The following GDAP1 variants were observed in gnomAD, a reference collection of about 807,000 sequenced individuals.
GDAP1 encodes ganglioside-induced differentiation-associated protein 1.
A neutral mutation model predicts 40.1 loss-of-function variants in GDAP1; 34 were observed. The ratio of observed to expected loss-of-function variants is 0.85; its 90% CI spans 0.64 to 1.13. GDAP1 has a LOEUF of 1.13. Ranked by LOEUF, GDAP1 falls within the 50% of genes most tolerant of loss-of-function variation. The probability of loss-of-function intolerance (pLI) is 0.00; values close to 1 mark genes in which losing one functional copy is unlikely to be tolerated. For missense variants in GDAP1, 374 were observed against 433.7 expected (o/e 0.86, Z 1.22); for synonymous variants, 170 against 157.4 (o/e 1.08, Z -0.60).
At chr8:74,435,607 G>A (rs950931917) in intron 2 of GDAP1, among the ~76,000 whole-genome samples, 5 of 152,278 alleles carry the variant, frequency 3.3e-5, no homozygotes, top group African/African-American at 1.2e-4. Context: ...AGGATTCTGA[G>A]TTTTTAGAAA....
At chr8:74,393,701 T>C (rs1810146760) in intron 2 of GDAP1, among the ~76,000 whole-genome samples, 1 of 152,182 alleles carries the variant, frequency 6.6e-6, no homozygotes, top group African/African-American at 2.4e-5. Flanking sequence ...CAGCAAAAAG[T>C]AGATCATTGA....
intron 2 of GDAP1, among the ~76,000 whole-genome samples, chr8:74,465,692 C>T (rs1806460425): frequency 6.6e-6 from 1 of 152,168 alleles, no homozygotes; most frequent in Non-Finnish European, 1.5e-5. Flanking sequence ...CAAGATCTGG[C>T]CCTGGCTCCC....
At chr8:74,394,273 T>G (rs1340195094) in intron 2 of GDAP1, among the ~76,000 whole-genome samples, 2 of 152,130 alleles carry the variant, frequency 1.3e-5, no homozygotes, top group Non-Finnish European at 2.9e-5. Flanking sequence ...CCCACCCCCA[T>G]GATTCAATTA....
rs564790261 is a variant in GDAP1, at chr8:74,398,654, T to G, written c.165+47333T>G. ...TTTTCAAAGGGAGTGCTTCCAGTTT[T>G]TGCCCATTCAGTATGATATTGGCTG... On this transcript the variant is annotated intron_variant, in intron 2 of 2. Coordinates refer to the GDAP1 transcript ENST00000523640. 1.2e-4 allele frequency among the ~76,000 whole-genome samples: 19 copies of G among 152,354 alleles called. No homozygotes were observed. In the East Asian group the frequency reaches 3.7e-3, roughly 29 times the overall value.
chr8:74,387,870 G>A (rs988684728), intron 2 of GDAP1, among the ~76,000 whole-genome samples: 12 of 152,092 alleles, frequency 7.9e-5, no homozygotes, highest in African/African-American at 2.7e-4. Flanking sequence ...CCTGTTATTG[G>A]TCTTTTCAGG....
At chr8:74,476,904 C>G (rs1412403288) in intron 2 of GDAP1, among the ~76,000 whole-genome samples, 1 of 149,566 alleles carries the variant, frequency 6.7e-6, no homozygotes, top group Non-Finnish European at 1.5e-5. Context: ...TTCTCCTCAT[C>G]TCTTTCAGGG....
intron 2 of GDAP1, among the ~76,000 whole-genome samples, chr8:74,464,629 C>T (rs1340436448): frequency 6.6e-6 from 1 of 152,254 alleles, no homozygotes. Flanking sequence ...ATTTTGTGCA[C>T]ACTTCCAGAT....
intron 2 of GDAP1, among the ~76,000 whole-genome samples, chr8:74,463,221 G>A (rs548192472): frequency 6.9e-6 from 1 of 145,376 alleles, no homozygotes; most frequent in African/African-American, 2.6e-5. Context: ...GGAGGCCATG[G>A]TAGAAGGATT....
chr8:74,443,436 C>T (rs111556909), intron 2 of GDAP1, among the ~76,000 whole-genome samples: 10 of 152,246 alleles, frequency 6.6e-5, no homozygotes, highest in Admixed American at 2.0e-4. Flanking sequence ...TAAAAGTTGA[C>T]CATTCTATCT....
intron 2 of GDAP1, among the ~76,000 whole-genome samples, chr8:74,359,569 C>G (rs972415478): frequency 1.3e-5 from 2 of 152,186 alleles, no homozygotes; most frequent in Non-Finnish European, 2.9e-5. Context: ...TAGGGTCACT[C>G]TTGATGTTGG....
intron 2 of GDAP1, among the ~76,000 whole-genome samples, chr8:74,487,282 G>T (rs1806787878): frequency 6.6e-6 from 1 of 152,160 alleles, no homozygotes; most frequent in East Asian, 1.9e-4. Context: ...CCTTAAGGAA[G>T]ATGAATGCAA....
At chr8:74,476,944 T>C (rs1806637180) in intron 2 of GDAP1, among the ~76,000 whole-genome samples, 2 of 152,200 alleles carry the variant, frequency 1.3e-5, no homozygotes, top group South Asian at 4.1e-4. Flanking sequence ...TTGGTCTCTT[T>C]ACATAATCCT....
intron 2 of GDAP1, among the ~76,000 whole-genome samples, chr8:74,373,650 A>G (rs1809794591): frequency 6.6e-6 from 1 of 152,150 alleles, no homozygotes; most frequent in Non-Finnish European, 1.5e-5. Context: ...GCTTAAGGAG[A>G]TTTTGGGCTG....
chr8:74,472,617 A>G (rs1440110394), intron 2 of GDAP1, among the ~76,000 whole-genome samples: 2 of 151,608 alleles, frequency 1.3e-5, no homozygotes, highest in African/African-American at 4.9e-5. Flanking sequence ...TTGACTTTTT[A>G]ATAATAGCCA....
chr8:74,352,267 CAA>C lies in GDAP1; in HGVS notation c.310+803_310+804del, dbSNP rs564477762. On this transcript the variant is annotated intron_variant, in intron 2 of 5. Transcript: ENST00000220822. Reference sequence around the variant, plus strand: ...AATCCTTTGAAGTGAACTGTAGCTTCAAAGAGTTACCAAAGACTACACAGCTG... The same window carrying C: ...AATCCTTTGAAGTGAACTGTAGCTTCAGAGTTACCAAAGACTACACAGCTG... 7.9e-5 allele frequency among the ~76,000 whole-genome samples: 12 copies of C among 152,282 alleles called. No homozygotes were observed. The South Asian group carries it at 8.3e-4, about 11-fold the overall frequency.
In GDAP1 at chr8:74,400,036, G is replaced by T. The variant is rs533624893; in HGVS notation, c.165+48715G>T. ...AAAAATGTATATTCTGTTGATTTGGGGTGGAGAGTTCTGTAGATGTCTATT... is the reference window on the plus strand; with the variant it reads ...AAAAATGTATATTCTGTTGATTTGGTGTGGAGAGTTCTGTAGATGTCTATT... On this transcript the variant is annotated intron_variant, in intron 2 of 2. Transcript: ENST00000523640. Among the ~76,000 whole-genome samples, 117 of 146,624 alleles carry T rather than the reference G, an allele frequency of 8.0e-4. 9 individuals carry two copies. The highest frequency in any genetic ancestry group is 2.6e-3 in the African/African-American group (97 of 36,758).
chr8:74,378,751 A>G (rs1056152466), intron 2 of GDAP1, among the ~76,000 whole-genome samples: 6 of 152,142 alleles, frequency 3.9e-5, no homozygotes, highest in Non-Finnish European at 8.8e-5. Context: ...ATACATAGCT[A>G]TCCTATTTCT....
At chr8:74,488,404 T>A (rs930933089) in intron 2 of GDAP1, among the ~76,000 whole-genome samples, 2 of 152,174 alleles carry the variant, frequency 1.3e-5, no homozygotes, top group Non-Finnish European at 2.9e-5. Context: ...GGAAGTGTCC[T>A]GTACCCTCAT....
intron 2 of GDAP1, among the ~76,000 whole-genome samples, chr8:74,428,349 A>G (rs1805978977): frequency 6.6e-6 from 1 of 152,222 alleles, no homozygotes; most frequent in Non-Finnish European, 1.5e-5. Flanking sequence ...CAACAGTGAA[A>G]TACAATGGTG....
Sources: gnomAD v4.1 joint callset for allele counts (sites outside exome capture counted in the v4.1 genomes callset) on GRCh38, gnomAD v4.1.1 for gene constraint, MANE v1.5 for transcripts, NCBI Gene and HGNC (gene_info 2026-07-23, HGNC 2026-07-21) for gene names.